NTRK3: variants seen among roughly 807,000 people sequenced by gnomAD.
The protein encoded by NTRK3 is neurotrophic receptor tyrosine kinase 3.
A neutral mutation model predicts 91.7 loss-of-function variants in NTRK3; 24 were observed. The observed-to-expected ratio is 0.26, with a 90% confidence interval of 0.19 to 0.37. The LOEUF is 0.37. Among genes scored for constraint, NTRK3 ranks in the 10% least tolerant of loss-of-function variants. The pLI, the probability that NTRK3 is intolerant of heterozygous loss-of-function variation, is 1.00. For synonymous variants in NTRK3, 483 were observed against 404.0 expected, an observed-to-expected ratio of 1.20 and a Z score of -2.34; for missense variants, 880 against 1,068.9, an observed-to-expected ratio of 0.82 and a Z score of 2.46.
intron 3 of NTRK3, chr15:88,253,540 T>C (rs2053655837): frequency 6.6e-6 from 1 of 152,234 alleles, no homozygotes. Flanking sequence ...TCTGGGCTCT[T>C]CTCGAGCTCA....
intron 14 of NTRK3, among the ~76,000 whole-genome samples, chr15:87,944,628 C>G (rs961289829): frequency 4.6e-5 from 7 of 152,190 alleles, no homozygotes; most frequent in African/African-American, 1.7e-4. Context: ...GCTTTACGGC[C>G]ACTAAAATGA....
chr15:88,046,458 G>A (rs1268661350), intron 13 of NTRK3, among the ~76,000 whole-genome samples: 3 of 152,196 alleles, frequency 2.0e-5, no homozygotes, highest in Non-Finnish European at 4.4e-5. Flanking sequence ...CATAGGAAGA[G>A]CACCATGTTA....
At chr15:88,010,532 A>T (rs188014292) in intron 14 of NTRK3, among the ~76,000 whole-genome samples, 1 of 152,202 alleles carries the variant, frequency 6.6e-6, no homozygotes, top group Non-Finnish European at 1.5e-5. Flanking sequence ...GGGAAGAATG[A>T]AACTATGCTT....
In NTRK3 at chr15:88,241,776, T is replaced by C. The variant is rs1319020076; in HGVS notation, c.248+14130A>G. Reference sequence around the variant, plus strand: ...GCCCTATATCCACAGCCCTCTGACTTTTCTGCCGAGAACATGGCCCCGGGA... The same window carrying C: ...GCCCTATATCCACAGCCCTCTGACTCTTCTGCCGAGAACATGGCCCCGGGA... On this transcript the variant is annotated intron_variant, in intron 3 of 18. Coordinates refer to ENST00000394480, the Ensembl canonical transcript of NTRK3. The surrounding 1 kb of genome is among the most constrained non-coding windows in gnomAD (Gnocchi z 4.3). Among the ~76,000 whole-genome samples, 2 of 152,110 alleles carry C rather than the reference T, an allele frequency of 1.3e-5. No individual in the cohort carries two copies. Among genetic ancestry groups the C allele is most frequent in the East Asian group, 3.9e-4 (2 of 5,180 alleles).
chr15:88,250,188 C>T (rs971462242), intron 3 of NTRK3, among the ~76,000 whole-genome samples: 3 of 152,160 alleles, frequency 2.0e-5, no homozygotes, highest in African/African-American at 7.2e-5. Flanking sequence ...AAGGGCCACG[C>T]CCAAGAAAGA....
At position 87,947,116 on chromosome 15, in the gene NTRK3, T is replaced by A. The variant is rs143052836; in HGVS notation, c.1586-6363A>T. Among the ~76,000 whole-genome samples the A allele has an allele frequency of 5.3e-3, 802 of 152,116 alleles. 8 individuals are homozygous for A. Among genetic ancestry groups the A allele is most frequent in the African/African-American group, 0.018 (765 of 41,480 alleles). On this transcript the variant is annotated intron_variant, in intron 14 of 18. Transcript: ENST00000394480. ...CTGGTCTCAAACTCCCGACCTCAGG[T>A]AATTCACCTGCCTCAGCCTCCCAAA...
chr15:88,134,971 AGT>A, intron 10 of NTRK3, 128 bp downstream of exon 10: 1 of 1,099,030 alleles, frequency 9.1e-7, no homozygotes, highest in Non-Finnish European at 1.4e-6. Context: ...CACATGTTCC[AGT>A]GTGTGTTTTG....
At chr15:88,094,260 A>C (rs2150791072) in intron 13 of NTRK3, among the ~76,000 whole-genome samples, 1 of 151,914 alleles carries the variant, frequency 6.6e-6, no homozygotes, top group South Asian at 2.1e-4. Flanking sequence ...AGGTCAGGAG[A>C]TCGAGACCAT....
At chr15:88,214,167 A>G (rs1213634450) in intron 3 of NTRK3, among the ~76,000 whole-genome samples, 1 of 152,184 alleles carries the variant, frequency 6.6e-6, no homozygotes, top group Non-Finnish European at 1.5e-5. Context: ...CTCCCATAAC[A>G]AAGTATCACA....
At chr15:87,885,369 C>T (rs2065478140) in intron 17 of NTRK3, among the ~76,000 whole-genome samples, 2 of 151,544 alleles carry the variant, frequency 1.3e-5, no homozygotes, top group Admixed American at 6.6e-5. Flanking sequence ...TATATGAAAA[C>T]CCAAATGAAA....
At chr15:87,993,897 G>A (rs1377808116) in intron 14 of NTRK3, among the ~76,000 whole-genome samples, 1 of 152,098 alleles carries the variant, frequency 6.6e-6, no homozygotes, top group Non-Finnish European at 1.5e-5. Flanking sequence ...GCCAAGAATG[G>A]GAGTCTATAC....
intron 14 of NTRK3, among the ~76,000 whole-genome samples, chr15:87,973,458 A>C (rs1196216360): frequency 6.6e-6 from 1 of 152,160 alleles, no homozygotes; most frequent in Non-Finnish European, 1.5e-5. Context: ...AGTAGGGTTG[A>C]AGAAGGAGTC....
chr15:87,902,768 T>G (rs2066529225), intron 17 of NTRK3, among the ~76,000 whole-genome samples: 1 of 152,190 alleles, frequency 6.6e-6, no homozygotes, highest in East Asian at 1.9e-4. Flanking sequence ...TCAAGTTAGT[T>G]TCTATTTCTA....
chr15:88,075,656 C>T (rs915827725), intron 13 of NTRK3, among the ~76,000 whole-genome samples: 11 of 152,168 alleles, frequency 7.2e-5, no homozygotes, highest in African/African-American at 2.4e-4. Context: ...TCTCGAAGAG[C>T]ATCCATGTAC....
intron 14 of NTRK3, among the ~76,000 whole-genome samples, chr15:88,029,221 C>T (rs1053222584): frequency 2.0e-5 from 3 of 152,196 alleles, no homozygotes; most frequent in Admixed American, 6.5e-5. Flanking sequence ...TCCGCTCTTT[C>T]GGAATCCCTG....
chr15:87,879,126 T>C (rs2065103979), intron 18 of NTRK3, among the ~76,000 whole-genome samples: 1 of 152,190 alleles, frequency 6.6e-6, no homozygotes, highest in African/African-American at 2.4e-5. Flanking sequence ...AGTACACGTT[T>C]TAAAAAATAA....
intron 3 of NTRK3, among the ~76,000 whole-genome samples, chr15:88,191,645 C>T (rs919535895): frequency 6.6e-6 from 1 of 152,230 alleles, no homozygotes; most frequent in African/African-American, 2.4e-5. Flanking sequence ...ATGTGCCGCG[C>T]TTTTGACTCC....
intron 3 of NTRK3, among the ~76,000 whole-genome samples, chr15:88,232,437 G>A (rs545708939): frequency 6.6e-6 from 1 of 152,322 alleles, no homozygotes; most frequent in South Asian, 2.1e-4. Flanking sequence ...TGGAGGAAGT[G>A]AAGTGGATTG....
At chr15:88,037,853 G>T (rs1178300795) in intron 13 of NTRK3, among the ~76,000 whole-genome samples, 1 of 152,150 alleles carries the variant, frequency 6.6e-6, no homozygotes, top group Non-Finnish European at 1.5e-5. Flanking sequence ...TGTGACATTG[G>T]TACCATTATT....
Sources: allele counts gnomAD v4.1 joint callset (sites outside exome capture counted in the v4.1 genomes callset), GRCh38; gene constraint gnomAD v4.1.1; non-coding constraint Gnocchi (gnomAD v3.1); transcripts MANE v1.5; gene names NCBI Gene and HGNC (gene_info 2026-07-23, HGNC 2026-07-21).